XKR9: variants seen among roughly 807,000 people sequenced by gnomAD.
The protein encoded by XKR9 is XK related 9.
XKR9 carries 32 observed loss-of-function variants against 32.0 expected under a neutral mutation model. The observed-to-expected ratio is 1.00, with a 90% confidence interval of 0.76 to 1.34. The LOEUF (loss-of-function observed/expected upper bound fraction) is 1.34, where lower values mean the gene tolerates loss of function less well. Among genes scored for constraint, XKR9 ranks in the 40% most tolerant of loss-of-function variants. The pLI is 0.00. For synonymous variants in XKR9, 168 were observed against 143.4 expected, an observed-to-expected ratio of 1.17 and a Z score of -1.22; for missense variants, 546 against 429.7, an observed-to-expected ratio of 1.27 and a Z score of -2.39.
the XKR9 span, among the ~76,000 whole-genome samples, chr8:70,801,791 A>G: frequency 6.6e-6 from 1 of 152,124 alleles, no homozygotes; most frequent in Non-Finnish European, 1.5e-5. Context: ...TTCTGTGGTT[A>G]TCTGAGTCTA....
At chr8:70,880,836 A>G in the XKR9 span, among the ~76,000 whole-genome samples, 2 of 152,230 alleles carry the variant, frequency 1.3e-5, no homozygotes, top group Non-Finnish European at 2.9e-5. Flanking sequence ...CAAAAAGAAC[A>G]AAGCTGGAGG....
At chr8:70,766,738 A>G (rs986649268) in intron 2 of XKR9, among the ~76,000 whole-genome samples, 1 of 152,182 alleles carries the variant, frequency 6.6e-6, no homozygotes, top group Non-Finnish European at 1.5e-5. Flanking sequence ...TGGGTTTGTC[A>G]TAAATAGCTC....
At chr8:70,881,007 A>T in the XKR9 span, among the ~76,000 whole-genome samples, 2 of 152,218 alleles carry the variant, frequency 1.3e-5, no homozygotes, top group Non-Finnish European at 2.9e-5. Flanking sequence ...CCTGACAAAA[A>T]CAAGCAATGG....
chr8:70,728,570 T>C (rs1348172205), intron 4 of XKR9, among the ~76,000 whole-genome samples: 1 of 152,192 alleles, frequency 6.6e-6, no homozygotes, highest in African/African-American at 2.4e-5. Context: ...TCTGAGAGCA[T>C]TAGTTTGGGA....
chr8:70,838,980 C>T, the XKR9 span, among the ~76,000 whole-genome samples: 1 of 151,294 alleles, frequency 6.6e-6, no homozygotes, highest in African/African-American at 2.5e-5. Context: ...ACTTTTTCAG[C>T]TCTCTAATAT....
chr8:70,815,258 C>A, the XKR9 span, among the ~76,000 whole-genome samples: 4 of 151,944 alleles, frequency 2.6e-5, no homozygotes, highest in Non-Finnish European at 5.9e-5. Context: ...CAGATTATTT[C>A]ATCACCACCA....
chr8:70,892,012 C>T, the XKR9 span, among the ~76,000 whole-genome samples: 1 of 151,986 alleles, frequency 6.6e-6, no homozygotes, highest in East Asian at 1.9e-4. Context: ...TATACAATGA[C>T]CTTTTCATCT....
the XKR9 span, among the ~76,000 whole-genome samples, chr8:70,870,551 G>A: frequency 6.6e-6 from 1 of 152,196 alleles, no homozygotes; most frequent in African/African-American, 2.4e-5. Flanking sequence ...AAGTATGGAA[G>A]CCAGCTGCTT....
At chr8:70,987,947 G>A in the XKR9 span, among the ~76,000 whole-genome samples, 10 of 152,152 alleles carry the variant, frequency 6.6e-5, no homozygotes, top group Non-Finnish European at 1.3e-4. Context: ...AGCTGCCAAG[G>A]CCTGGGGCTT....
Position 70,733,872 on chromosome 8 carries a change from GC to G in XKR9, c.572del (p.Pro191LeufsTer28), listed in dbSNP as rs767947126. The G allele has an allele frequency of 7.2e-5, 116 of 1,610,288 alleles. No individual in the cohort carries two copies. The Admixed American group carries it at 1.9e-3, about 26-fold the overall frequency. On this transcript the variant is annotated frameshift_variant, in exon 5 of 5. Coordinates refer to ENST00000408926, the MANE Select transcript of XKR9 (RefSeq NM_001011720.2). LOFTEE classifies it high-confidence loss of function. ...DYQVALRKSL[P>X]DKKLLNGLCP... ...ATCAAGTAGCTTTAAGAAAATCCTT[GC>G]CTGACAAAAAGCTTCTTAATGGATT...
At chr8:70,925,184 A>G in the XKR9 span, among the ~76,000 whole-genome samples, 1 of 152,204 alleles carries the variant, frequency 6.6e-6, no homozygotes. Flanking sequence ...ACAAGGATGT[A>G]GGTAATCATG....
the XKR9 span, among the ~76,000 whole-genome samples, chr8:70,895,535 CT>C: frequency 1.3e-5 from 2 of 152,086 alleles, 1 homozygote; most frequent in South Asian, 4.1e-4. Flanking sequence ...ATTCAGATTA[CT>C]TTGAATGTAT....
the XKR9 span, among the ~76,000 whole-genome samples, chr8:70,863,366 TG>T: frequency 6.6e-6 from 1 of 151,994 alleles, no homozygotes; most frequent in African/African-American, 2.4e-5. Flanking sequence ...GTACTATAGG[TG>T]GTATGGATGT....
chr8:71,031,091 G>A, the XKR9 span, among the ~76,000 whole-genome samples: 1 of 152,034 alleles, frequency 6.6e-6, no homozygotes, highest in East Asian at 1.9e-4. Flanking sequence ...TCTCAAAAAT[G>A]GAGACTACAT....
intron 3 of XKR9, among the ~76,000 whole-genome samples, chr8:70,700,985 CGAG>C (rs1367787480): frequency 1.3e-5 from 2 of 152,190 alleles, no homozygotes; most frequent in Non-Finnish European, 2.9e-5. Context: ...TAGGACCCTC[CGAG>C]CCAGGTGTGG....
chr8:70,812,097 T>C, the XKR9 span, among the ~76,000 whole-genome samples: 1 of 152,074 alleles, frequency 6.6e-6, no homozygotes, highest in Admixed American at 6.5e-5. Flanking sequence ...TCCACCATGA[T>C]CAAGTGGGCT....
In XKR9 at chr8:70,733,685, A is replaced by C. The variant is rs781132363; in HGVS notation, c.494-111A>C. The C allele has an allele frequency of 3.8e-5, 38 of 999,720 alleles. No individual in the cohort carries two copies. The South Asian group carries it at 5.4e-4, about 14-fold the overall frequency. 61.9% of individuals were successfully genotyped at this position (999,720 alleles called of 1,614,324 possible). ...AAAGATTAGATGAGAAGAGTAAAGTATGTGACGTGTTTGTGGGTGTGTGTA... is the reference window on the plus strand; with the variant it reads ...AAAGATTAGATGAGAAGAGTAAAGTCTGTGACGTGTTTGTGGGTGTGTGTA... On this transcript the variant is annotated intron_variant, in intron 4 of 4. Transcript: ENST00000408926.
chr8:70,901,925 C>T, the XKR9 span, among the ~76,000 whole-genome samples: 1,836 of 152,250 alleles, frequency 0.012, 13 homozygotes, highest in Non-Finnish European at 0.021. Context: ...AATCCTTTCC[C>T]CATTGCTTGT....
At chr8:70,923,339 G>T in the XKR9 span, among the ~76,000 whole-genome samples, 1 of 152,218 alleles carries the variant, frequency 6.6e-6, no homozygotes, top group Non-Finnish European at 1.5e-5. Flanking sequence ...TTGGATAATA[G>T]TATCAGCATG....
Sources: gnomAD v4.1 joint callset for allele counts (sites outside exome capture counted in the v4.1 genomes callset) on GRCh38, gnomAD v4.1.1 for gene constraint, MANE v1.5 for transcripts, NCBI Gene and HGNC (gene_info 2026-07-23, HGNC 2026-07-21) for gene names.